The following BIN1 variants were observed in gnomAD, a reference collection of about 807,000 sequenced individuals.
BIN1 encodes the protein myc box-dependent-interacting protein 1.
Under a neutral mutation model 82.0 loss-of-function variants are expected in BIN1, and 53 were observed. The observed-to-expected ratio is 0.65, with a 90% CI of 0.52 to 0.81. The LOEUF is 0.81. Ranked by LOEUF, BIN1 falls within the 40% of genes least tolerant of loss-of-function variation. The pLI, the probability that BIN1 is intolerant of heterozygous loss-of-function variation, is 0.00. For missense variants in BIN1, 642 were observed against 784.4 expected, an observed-to-expected ratio of 0.82 and a Z score of 2.17; for synonymous variants, 302 against 328.0, an observed-to-expected ratio of 0.92 and a Z score of 0.86.
At chr2:127,069,843 A>C in intron 5 of BIN1, 152 bp downstream of exon 5, 1 of 712,792 alleles carries the variant, frequency 1.4e-6, no homozygotes, top group Non-Finnish European at 2.3e-6. Flanking sequence ...CTGGTGGCAG[A>C]GGGAGCAACC....
chr2:127,050,787 A>T lies in BIN1; in HGVS notation c.1572+15T>A, dbSNP rs776757332. The stretch of plus-strand genomic sequence containing the variant: ...GGCACCGAGGGACTGCAGCAGTCAG[A>T]GGCTGTGGGCTCACCTTGAACATGA... On this transcript the variant is annotated intron_variant, in intron 17 of 18. Coordinates refer to ENST00000316724, the MANE Select transcript of BIN1 (RefSeq NM_139343.3). 2 of 1,612,316 alleles carry T rather than the reference A, an allele frequency of 1.2e-6. No individual in the cohort carries two copies. The highest frequency in any genetic ancestry group is 1.7e-6 in the Non-Finnish European group (2 of 1,178,928).
At chr2:127,086,696 T>C (rs372070027) in intron 1 of BIN1, among the ~76,000 whole-genome samples, 24 of 152,152 alleles carry the variant, frequency 1.6e-4, no homozygotes, top group African/African-American at 5.8e-4. Context: ...TTAGTAGAGA[T>C]GGGGTTTCAC....
chr2:127,064,584 C>T (rs79706084), intron 7 of BIN1, among the ~76,000 whole-genome samples: 23,543 of 152,252 alleles, frequency 0.15, 2,141 homozygotes, highest in East Asian at 0.22. Context: ...AAGCCCTCTC[C>T]TGGGACCTGT....
chr2:127,052,795 A>T lies in BIN1; in HGVS notation c.1264-433T>A, dbSNP rs185346818. ...GGGTCTCAGGGACAGAGCCCAGGAG[A>T]CCCTGTTGGAATTCTGGCTCTACCA... On this transcript the variant is annotated intron_variant, in intron 14 of 18. Coordinates refer to ENST00000316724, the MANE Select transcript of BIN1 (RefSeq NM_139343.3). 76 of 249,208 alleles carry T rather than the reference A, an allele frequency of 3.0e-4. No individual in the cohort carries two copies. In the East Asian group the frequency reaches 7.5e-3, roughly 24 times the overall value. 15.4% of individuals were successfully genotyped at this position (249,208 alleles called of 1,614,324 possible).
At chr2:127,066,538 C>G (rs1185856971) in intron 7 of BIN1, among the ~76,000 whole-genome samples, 2 of 152,224 alleles carry the variant, frequency 1.3e-5, no homozygotes, top group African/African-American at 4.8e-5. Flanking sequence ...CGTCAGTAGT[C>G]CCATTCCCTT....
chr2:127,099,661 A>C (rs1363715278), intron 1 of BIN1, among the ~76,000 whole-genome samples: 1 of 144,974 alleles, frequency 6.9e-6, no homozygotes, highest in East Asian at 2.1e-4. Context: ...TTACAGGCGC[A>C]TGCCACTACA....
chr2:127,075,807 C>G (rs1297863404), intron 2 of BIN1, among the ~76,000 whole-genome samples: 5 of 124,824 alleles, frequency 4.0e-5, no homozygotes, highest in African/African-American at 1.3e-4. Flanking sequence ...CTGCCCCCCC[C>G]ACCGCCCTCT....
At chr2:127,095,690 G>A (rs555913899) in intron 1 of BIN1, among the ~76,000 whole-genome samples, 230 of 152,366 alleles carry the variant, frequency 1.5e-3, no homozygotes, top group African/African-American at 5.0e-3. Flanking sequence ...CCAAGTCTGA[G>A]GCCCAAGAGG....
Position 127,051,252 on chromosome 2 carries a change from TA to T in BIN1, c.1372-10del. On this transcript the variant is annotated splice_polypyrimidine_tract_variant and intron_variant, in intron 15 of 18. Coordinates refer to ENST00000316724, the MANE Select transcript of BIN1 (RefSeq NM_139343.3). ...TCCGAGGCCTCTGCTGGCTGCAACA[TA>T]AATGCCGGCTTGGGGTCAGACACAG... The T allele has an allele frequency of 6.2e-7, 1 of 1,613,452 alleles. No homozygotes were observed. Among genetic ancestry groups the T allele is most frequent in the Non-Finnish European group, 8.5e-7 (1 of 1,179,860 alleles).
chr2:127,053,498 G>A, intron 13 of BIN1, 53 bp from the exon 14 acceptor site: 1 of 1,605,770 alleles, frequency 6.2e-7, no homozygotes, highest in East Asian at 2.3e-5. Flanking sequence ...GTTAGAGACA[G>A]GGCGGCAAGC....
chr2:127,068,338 C>T lies in BIN1; in HGVS notation c.520-83G>A, dbSNP rs1324816343. 2.6e-6 allele frequency: 3 copies of T among 1,167,622 alleles called. No individual in the cohort carries two copies. Among genetic ancestry groups the T allele is most frequent in the East Asian group, 2.5e-5 (1 of 40,030 alleles). 72.3% of individuals were successfully genotyped at this position (1,167,622 alleles called of 1,614,324 possible). Reference sequence around the variant, plus strand: ...GAAACAGAGACACACAGATTAAATGCAGGTCCACACGCCCCACGCGCGGGG... The same window carrying T: ...GAAACAGAGACACACAGATTAAATGTAGGTCCACACGCCCCACGCGCGGGG... On this transcript the variant is annotated intron_variant, in intron 6 of 18. Coordinates refer to ENST00000316724, the MANE Select transcript of BIN1 (RefSeq NM_139343.3). The surrounding 1 kb of genome is among the most constrained non-coding windows in gnomAD (Gnocchi z 4.9).
chr2:127,063,437 A>T, intron 9 of BIN1, 134 bp downstream of exon 9: 1 of 958,534 alleles, frequency 1.0e-6, no homozygotes, highest in African/African-American at 1.6e-5. Context: ...CAGGGCCGGG[A>T]GGGAGCCCTG....
chr2:127,070,084 C>T lies in BIN1; in HGVS notation c.322G>A (p.Asp108Asn), dbSNP rs532260569. ...DEANKIAENN[D>N]LLWMDYHQKL... The stretch of plus-strand genomic sequence containing the variant: ...TGGTGGTAATCCATCCACAGCAGGT[C>T]GTTGTTCTGAGACAGGCAAGAGCAC... The change falls in exon 5 of 19, where the codon GAC (aspartate) becomes AAC (asparagine). Residue 108 changes from aspartate (D) to asparagine (N), a missense_variant. Physicochemically the swap from Asp to Asn is conservative, Grantham distance 23. Transcript: ENST00000316724. The T allele has an allele frequency of 3.7e-6, 6 of 1,613,710 alleles. No individual in the cohort carries two copies. The highest frequency in any genetic ancestry group is 1.7e-5 in the Admixed American group (1 of 59,994).
Position 127,064,475 on chromosome 2 carries a change from C to T in BIN1, c.613-457G>A, listed in dbSNP as rs372314593. On this transcript the variant is annotated intron_variant, in intron 7 of 18. Coordinates refer to ENST00000316724, the MANE Select transcript of BIN1 (RefSeq NM_139343.3). ...AGCATCTGTCGCTGCCCCCAATTGC[C>T]CCCGCCCCTGAGTGCTCCCTCCCCA... 1.6e-4 allele frequency among the ~76,000 whole-genome samples: 24 copies of T among 152,332 alleles called. 1 individual carries two copies. Among genetic ancestry groups the T allele is most frequent in the African/African-American group, 4.6e-4 (19 of 41,580 alleles).
Position 127,052,265 on chromosome 2 carries a change from C to G in BIN1, c.1361G>C (p.Gly454Ala). 1 of 1,573,038 alleles carries G rather than the reference C, an allele frequency of 6.4e-7. No homozygotes were observed. The highest frequency in any genetic ancestry group is 1.3e-5 in the African/African-American group (1 of 74,284). ...VSWPSQTAEPGPAQPAEASEV... is the reference protein window; with the variant it reads ...VSWPSQTAEPAPAQPAEASEV... ...GAGGTGGGCACTTACTTGGGCAGGCCCCGGCTCGGCCGTCTGGCTGGGCCA... is the reference window on the plus strand; with the variant it reads ...GAGGTGGGCACTTACTTGGGCAGGCGCCGGCTCGGCCGTCTGGCTGGGCCA... Residue 454 changes from glycine (G) to alanine (A), a missense_variant, in exon 15 of 19, where the codon GGG (glycine) becomes GCG (alanine). By Grantham distance (60) the Gly-to-Ala change is moderately conservative. Coordinates refer to ENST00000316724, the MANE Select transcript of BIN1 (RefSeq NM_139343.3).
Position 127,050,487 on chromosome 2 carries a change from T to C in BIN1, c.1608A>G (p.Thr536=), listed in dbSNP as rs746208232. Residue 536 remains threonine (T), a synonymous_variant, in exon 18 of 19, where the codon ACA becomes ACG. Coordinates refer to ENST00000316724, the MANE Select transcript of BIN1 (RefSeq NM_139343.3). The part of the protein sequence containing the change: ...QAQHDYTATD[T]DELQLKAGDV... ...CACCAGCCTTGAGCTGCAGCTCGTC[T>C]GTGTCAGTGGCCGTGTAGTCGTGCT... 6.2e-6 allele frequency: 10 copies of C among 1,614,236 alleles called. No individual in the cohort carries two copies. Among genetic ancestry groups the C allele is most frequent in the Non-Finnish European group, 7.6e-6 (9 of 1,180,036 alleles).
At chr2:127,069,932 C>T in intron 5 of BIN1, 63 bp downstream of exon 5, 1 of 1,548,612 alleles carries the variant, frequency 6.5e-7, no homozygotes, top group Non-Finnish European at 8.9e-7. Flanking sequence ...ACGTCCTAGG[C>T]CCTGTCCTCT....
intron 1 of BIN1, among the ~76,000 whole-genome samples, chr2:127,098,373 G>A (rs529337723): frequency 3.3e-5 from 5 of 152,212 alleles, no homozygotes; most frequent in Non-Finnish European, 7.4e-5. Context: ...GTAACAATCC[G>A]GGCTCAGCCA....
chr2:127,064,282 G>C (rs537673762), intron 7 of BIN1, among the ~76,000 whole-genome samples: 1 of 152,238 alleles, frequency 6.6e-6, no homozygotes, highest in East Asian at 1.9e-4. Context: ...GGCAGTGAGC[G>C]TGGAGTAGGG....
Sources: gnomAD v4.1 joint callset for allele counts (sites outside exome capture counted in the v4.1 genomes callset) on GRCh38, gnomAD v4.1.1 for gene constraint, Gnocchi (gnomAD v3.1) non-coding constraint, MANE v1.5 for transcripts, NCBI Gene and HGNC (gene_info 2026-07-23, HGNC 2026-07-21) for gene names.